Variants in VAPB observed in about 807,000 individuals in gnomAD.
VAPB encodes vesicle-associated membrane protein-associated protein B/C.
VAPB carries 7 observed loss-of-function variants against 25.6 expected under a neutral mutation model. The observed-to-expected ratio is 0.27, with a 90% CI of 0.16 to 0.51. VAPB has a LOEUF of 0.51. Ranked by LOEUF, VAPB falls within the 20% of genes least tolerant of loss-of-function variation. VAPB has a pLI of 0.97. For synonymous variants in VAPB, 112 were observed against 109.2 expected, an observed-to-expected ratio of 1.03 and a Z score of -0.16; for missense variants, 266 against 301.3, an observed-to-expected ratio of 0.88 and a Z score of 0.87.
chr20:58,434,571 G>A, intron 2 of VAPB, 31 bp from the exon 3 acceptor site: 1 of 1,114,270 alleles, frequency 9.0e-7, no homozygotes. Flanking sequence ...ACCAAGCTCT[G>A]ACCCTCCTAA....
At chr20:58,420,528 GCT>G (rs1311132291) in intron 2 of VAPB, among the ~76,000 whole-genome samples, 4 of 152,294 alleles carry the variant, frequency 2.6e-5, no homozygotes, top group African/African-American at 9.6e-5. Flanking sequence ...CTGATCCAGT[GCT>G]CTTTCTGTCA....
Position 58,445,791 on chromosome 20 carries a change from C to T in VAPB, c.*1556C>T, listed in dbSNP as rs1989276942. The T allele has an allele frequency of 2.2e-6, 1 of 453,770 alleles. No individual in the cohort carries two copies. Among genetic ancestry groups the T allele is most frequent in the South Asian group, 1.6e-5 (1 of 64,464 alleles). 28.1% of individuals were successfully genotyped at this position (453,770 alleles called of 1,614,324 possible). On this transcript the variant is annotated 3_prime_UTR_variant, in exon 6 of 6. Transcript: ENST00000475243. ...CTGCTGAAAAAGCTGAGCACCTGGTCACCCTTGGCCTTCCATTGCTTTGGC... is the reference window on the plus strand; with the variant it reads ...CTGCTGAAAAAGCTGAGCACCTGGTTACCCTTGGCCTTCCATTGCTTTGGC...
At chr20:58,428,705 T>G (rs1988862209) in intron 2 of VAPB, among the ~76,000 whole-genome samples, 1 of 152,202 alleles carries the variant, frequency 6.6e-6, no homozygotes, top group Non-Finnish European at 1.5e-5. Flanking sequence ...ATAATTTCTG[T>G]CACAATTTGC....
At chr20:58,413,549 C>A (rs1988433408) in intron 1 of VAPB, among the ~76,000 whole-genome samples, 1 of 152,152 alleles carries the variant, frequency 6.6e-6, no homozygotes, top group African/African-American at 2.4e-5. Flanking sequence ...CTACTTCTTT[C>A]TACACAGACA....
intron 4 of VAPB, chr20:58,439,272 G>A (rs1989112126): frequency 3.9e-6 from 2 of 507,350 alleles, no homozygotes; most frequent in South Asian, 4.3e-5. Context: ...CCATTGAGAT[G>A]TCATAAATCC....
intron 1 of VAPB, among the ~76,000 whole-genome samples, chr20:58,403,806 A>T (rs982691946): frequency 6.6e-6 from 1 of 152,142 alleles, no homozygotes; most frequent in African/African-American, 2.4e-5. Flanking sequence ...AACACCTCAA[A>T]CTCAGCATGT....
rs1230311986 is a variant in VAPB, at chr20:58,448,148, G to C, written c.*3913G>C. 8 of 454,026 alleles carry C rather than the reference G, an allele frequency of 1.8e-5. No homozygotes were observed. The highest frequency in any genetic ancestry group is 1.1e-4 in the South Asian group (7 of 64,472). The allele number at this position is 454,026 out of a possible 1,614,324, so 28.1% of individuals were successfully genotyped here. ...TGAGAAGGAGTGTTCTCAAAGATGA[G>C]CTGGAATGGAATTGTATTTAGAAAG... is the stretch of plus-strand genomic sequence containing the variant. On this transcript the variant is annotated 3_prime_UTR_variant, in exon 6 of 6. Transcript: ENST00000475243.
intron 1 of VAPB, among the ~76,000 whole-genome samples, chr20:58,395,740 T>C (rs558543335): frequency 8.5e-5 from 13 of 152,316 alleles, no homozygotes; most frequent in East Asian, 1.9e-4. Flanking sequence ...CAGGCTGTTA[T>C]CAGCATAGCA....
intron 1 of VAPB, among the ~76,000 whole-genome samples, chr20:58,408,395 A>G (rs530325335): frequency 6.6e-6 from 1 of 152,348 alleles, no homozygotes; most frequent in South Asian, 2.1e-4. Context: ...TTCTGCTGGA[A>G]TATTGGAATA....
At chr20:58,422,841 G>A (rs988207177) in intron 2 of VAPB, among the ~76,000 whole-genome samples, 7 of 152,292 alleles carry the variant, frequency 4.6e-5, no homozygotes, top group Non-Finnish European at 1.0e-4. Context: ...CACATTGGTT[G>A]CCTGTGTCCC....
chr20:58,428,592 G>A (rs535309092), intron 2 of VAPB, among the ~76,000 whole-genome samples: 1 of 152,196 alleles, frequency 6.6e-6, no homozygotes, highest in Admixed American at 6.5e-5. Context: ...TTGGAGGCCA[G>A]TCTGGACAAC....
chr20:58,422,825 G>T (rs1490345313), intron 2 of VAPB, among the ~76,000 whole-genome samples: 1 of 152,176 alleles, frequency 6.6e-6, no homozygotes, highest in Non-Finnish European at 1.5e-5. Flanking sequence ...TTGCAGTTCA[G>T]TTATGCACAT....
intron 1 of VAPB, among the ~76,000 whole-genome samples, chr20:58,393,610 G>A (rs987963690): frequency 3.9e-5 from 6 of 152,146 alleles, no homozygotes; most frequent in East Asian, 1.9e-4. Flanking sequence ...TTTTTTGGTC[G>A]TTCAGGACTC....
At chr20:58,415,974 T>TA (rs1461094143) in intron 1 of VAPB, among the ~76,000 whole-genome samples, 40 of 152,348 alleles carry the variant, frequency 2.6e-4, no homozygotes, top group Non-Finnish European at 5.1e-4. Context: ...GGCCTGTTCT[T>TA]ACAAATATCT....
intron 1 of VAPB, among the ~76,000 whole-genome samples, chr20:58,417,410 C>T (rs1300788524): frequency 1.3e-5 from 2 of 152,154 alleles, no homozygotes; most frequent in Non-Finnish European, 2.9e-5. Context: ...AAGCTTATTC[C>T]TGTTTATACA....
At chr20:58,423,147 T>C (rs62205707) in intron 2 of VAPB, among the ~76,000 whole-genome samples, 66,172 of 151,848 alleles carry the variant, frequency 0.44, 14,648 homozygotes, top group East Asian at 0.59. Context: ...TGCAGTGGCT[T>C]ATGCCTGTAA....
chr20:58,413,415 T>C (rs1218829713), intron 1 of VAPB, among the ~76,000 whole-genome samples: 1 of 152,026 alleles, frequency 6.6e-6, no homozygotes, highest in Admixed American at 6.5e-5. Flanking sequence ...CCTTAATCCA[T>C]TTAACCCTGA....
At chr20:58,434,232 G>A (rs6100061) in intron 2 of VAPB, among the ~76,000 whole-genome samples, 50,316 of 152,044 alleles carry the variant, frequency 0.33, 8,635 homozygotes, top group Middle Eastern at 0.34. Flanking sequence ...AATTCCTGAA[G>A]AGATCATTTG....
At chr20:58,429,699 C>T (rs2123079992) in intron 2 of VAPB, among the ~76,000 whole-genome samples, 1 of 152,314 alleles carries the variant, frequency 6.6e-6, no homozygotes, top group South Asian at 2.1e-4. Flanking sequence ...CAGGTACGTC[C>T]CGAAAACTCA....
Sources: gnomAD v4.1 joint callset for allele counts (sites outside exome capture counted in the v4.1 genomes callset) on GRCh38, gnomAD v4.1.1 for gene constraint, MANE v1.5 for transcripts, NCBI Gene and HGNC (gene_info 2026-07-23, HGNC 2026-07-21) for gene names.